MEF2A: variants seen among roughly 807,000 people sequenced by gnomAD.
The protein encoded by MEF2A is myocyte enhancer factor 2A, also known as myocyte-specific enhancer factor 2A.
Under a neutral mutation model 55.8 loss-of-function variants are expected in MEF2A, and 28 were observed. The ratio of observed to expected loss-of-function variants is 0.50; its 90% confidence interval spans 0.37 to 0.69. The LOEUF is 0.69. Among genes scored for constraint, MEF2A ranks in the 30% least tolerant of loss-of-function variants. The pLI is 0.00. For missense variants in MEF2A, 528 were observed against 626.2 expected (o/e 0.84, Z 1.67); for synonymous variants, 239 against 227.1 (o/e 1.05, Z -0.47).
chr15:99,711,509 G>T (rs2058641904), intron 11 of MEF2A, among the ~76,000 whole-genome samples: 1 of 152,192 alleles, frequency 6.6e-6, no homozygotes. Flanking sequence ...GCAGACCCAT[G>T]GAGCAGTTGG....
intron 5 of MEF2A, among the ~76,000 whole-genome samples, chr15:99,673,776 G>A (rs1392442569): frequency 6.6e-6 from 1 of 151,842 alleles, no homozygotes; most frequent in Admixed American, 6.6e-5. Flanking sequence ...TTACTGGCTT[G>A]GTTAGTAGTT....
chr15:99,701,298 AT>A (rs1357043966), intron 8 of MEF2A, among the ~76,000 whole-genome samples: 9 of 152,338 alleles, frequency 5.9e-5, no homozygotes, highest in African/African-American at 2.2e-4. Flanking sequence ...GCAAAAATCC[AT>A]GCCCTTCTAT....
intron 8 of MEF2A, among the ~76,000 whole-genome samples, chr15:99,695,871 A>AG (rs1286780051): frequency 6.6e-6 from 1 of 152,042 alleles, no homozygotes; most frequent in African/African-American, 2.4e-5. Flanking sequence ...AAAAAAAAAA[A>AG]AAGAAAAATG....
chr15:99,690,796 AG>A, intron 8 of MEF2A: 1 of 391,910 alleles, frequency 2.6e-6, no homozygotes, highest in South Asian at 1.9e-5. Context: ...GAGGCTGGGA[AG>A]GGTGTGTGGG....
rs542516673 is a variant in MEF2A, at chr15:99,621,640, A to T, written c.-142-11338A>T. Reference sequence around the variant, plus strand: ...CTCCCAATGCTTATTTTTAGCCCTGATGTATGAGTCTTATGTCTAGTTTCC... The same window carrying T: ...CTCCCAATGCTTATTTTTAGCCCTGTTGTATGAGTCTTATGTCTAGTTTCC... On this transcript the variant is annotated intron_variant, in intron 2 of 11. Coordinates refer to ENST00000557942, the MANE Select transcript of MEF2A (RefSeq NM_001319206.4). Among the ~76,000 whole-genome samples, 110 of 152,200 alleles carry T rather than the reference A, an allele frequency of 7.2e-4. 1 individual carries two copies. In the South Asian group the frequency reaches 0.023, roughly 31 times the overall value.
chr15:99,706,891 GCT>G, intron 10 of MEF2A, 36 bp downstream of exon 10: 3 of 1,594,502 alleles, frequency 1.9e-6, no homozygotes, highest in Non-Finnish European at 2.6e-6. Flanking sequence ...AGGTTTTACC[GCT>G]CTCTGTTTTG....
intron 10 of MEF2A, among the ~76,000 whole-genome samples, chr15:99,707,717 A>G (rs1007560013): frequency 6.6e-6 from 1 of 152,194 alleles, no homozygotes; most frequent in Admixed American, 6.5e-5. Context: ...CCCATTACTC[A>G]GAGACTGCAA....
At chr15:99,582,736 G>A (rs1253946101) in intron 1 of MEF2A, among the ~76,000 whole-genome samples, 3 of 152,068 alleles carry the variant, frequency 2.0e-5, no homozygotes, top group South Asian at 2.1e-4. Context: ...AGCTCTGCTG[G>A]TCTAGATAAG....
intron 4 of MEF2A, among the ~76,000 whole-genome samples, chr15:99,654,772 ACTAT>A (rs781299746): frequency 6.6e-6 from 1 of 152,174 alleles, no homozygotes; most frequent in Non-Finnish European, 1.5e-5. Flanking sequence ...ATAAAGCAGC[ACTAT>A]CTAATAGAAT....
chr15:99,703,929 A>G (rs534338475), intron 9 of MEF2A, among the ~76,000 whole-genome samples: 1 of 152,340 alleles, frequency 6.6e-6, no homozygotes, highest in African/African-American at 2.4e-5. Context: ...TTACTTTTCT[A>G]TCAGAAGGCG....
intron 2 of MEF2A, among the ~76,000 whole-genome samples, chr15:99,632,723 A>G (rs901442638): frequency 6.6e-6 from 1 of 152,184 alleles, no homozygotes; most frequent in African/African-American, 2.4e-5. Context: ...TCTTGTTGCT[A>G]TTATTGTATA....
intron 4 of MEF2A, among the ~76,000 whole-genome samples, chr15:99,663,208 C>A (rs181779913): frequency 1.3e-5 from 2 of 151,858 alleles, no homozygotes; most frequent in Non-Finnish European, 2.9e-5. Flanking sequence ...AAATGCAAGT[C>A]CCTTGGGATA....
chr15:99,607,484 A>G (rs1266496611), intron 2 of MEF2A, among the ~76,000 whole-genome samples: 1 of 152,218 alleles, frequency 6.6e-6, no homozygotes, highest in Non-Finnish European at 1.5e-5. Flanking sequence ...GTTTTAATAT[A>G]TTTGATATTT....
chr15:99,569,527 T>C (rs572570888), intron 1 of MEF2A, among the ~76,000 whole-genome samples: 1 of 152,378 alleles, frequency 6.6e-6, no homozygotes, highest in East Asian at 1.9e-4. Flanking sequence ...AATTTTGATC[T>C]TCAACCATAG....
At position 99,582,994 on chromosome 15, in the gene MEF2A, A is replaced by G. The variant is rs748615446; in HGVS notation, c.-224-15436A>G. 6.6e-5 allele frequency among the ~76,000 whole-genome samples: 10 copies of G among 152,274 alleles called. 1 individual carries two copies. In the Middle Eastern group the frequency reaches 0.01, roughly 155 times the overall value. ...TCATAGTGTAAGCAAAGGGGATGTT[A>G]TGAGGATAGTCTGAAATAAACTCAT... On this transcript the variant is annotated intron_variant, in intron 1 of 11. Transcript: ENST00000557942.
At chr15:99,701,069 GTT>G (rs1270507036) in intron 8 of MEF2A, among the ~76,000 whole-genome samples, 2 of 152,172 alleles carry the variant, frequency 1.3e-5, no homozygotes, top group Non-Finnish European at 2.9e-5. Flanking sequence ...TGGGCAAAAA[GTT>G]TAAGTAAAAA....
intron 7 of MEF2A, among the ~76,000 whole-genome samples, chr15:99,681,364 G>A (rs907477496): frequency 1.3e-5 from 2 of 152,196 alleles, no homozygotes; most frequent in Admixed American, 1.3e-4. Flanking sequence ...GACAGCAGTA[G>A]TTGAAGTCTT....
At chr15:99,602,251 GT>G (rs1334942308) in intron 2 of MEF2A, among the ~76,000 whole-genome samples, 3 of 152,150 alleles carry the variant, frequency 2.0e-5, no homozygotes, top group Non-Finnish European at 4.4e-5. Context: ...GGTTTTATAT[GT>G]TGGCATACTT....
chr15:99,602,748 A>G (rs1430561583), intron 2 of MEF2A, among the ~76,000 whole-genome samples: 7 of 9,950 alleles, frequency 7.0e-4, no homozygotes, highest in African/African-American at 1.4e-3. Flanking sequence ...GGGGGTGGGG[A>G]GCTTTTCGTG....
Sources: allele counts gnomAD v4.1 joint callset (sites outside exome capture counted in the v4.1 genomes callset), GRCh38; gene constraint gnomAD v4.1.1; transcripts MANE v1.5; gene names NCBI Gene and HGNC (gene_info 2026-07-23, HGNC 2026-07-21).